FCRL1: variants seen among roughly 807,000 people sequenced by gnomAD.
The protein encoded by FCRL1 is Fc receptor like 1, also known as Fc receptor-like protein 1.
Under a neutral mutation model 49.2 loss-of-function variants are expected in FCRL1, and 34 were observed. The ratio of observed to expected loss-of-function variants is 0.69; its 90% CI spans 0.53 to 0.92. The LOEUF (loss-of-function observed/expected upper bound fraction) is 0.92, where lower values mean the gene tolerates loss of function less well. Ranked by LOEUF, FCRL1 falls within the 40% of genes least tolerant of loss-of-function variation. FCRL1 has a pLI of 0.00. For missense variants in FCRL1, 524 were observed against 524.1 expected (o/e 1.00, Z 0.00); for synonymous variants, 218 against 201.6 (o/e 1.08, Z -0.69).
chr1:157,804,238 A>G, intron 2 of FCRL1, 127 bp from the exon 3 acceptor site: 1 of 1,101,856 alleles, frequency 9.1e-7, no homozygotes, highest in Non-Finnish European at 1.3e-6. Flanking sequence ...GCCACCCTAC[A>G]TGTCTCCACC....
At chr1:157,811,884 CTCAAA>C (rs1654365170) in intron 1 of FCRL1, among the ~76,000 whole-genome samples, 1 of 152,204 alleles carries the variant, frequency 6.6e-6, no homozygotes, top group African/African-American at 2.4e-5. Flanking sequence ...ACCCCAGGGA[CTCAAA>C]ACCTAGGCTC....
At chr1:157,801,827 C>G in intron 5 of FCRL1, 88 bp downstream of exon 5, 1 of 1,489,300 alleles carries the variant, frequency 6.7e-7, no homozygotes, top group South Asian at 1.3e-5. Context: ...GGTAGCAAAC[C>G]CCCGGAAGCA....
chr1:157,797,992 A>T, intron 8 of FCRL1, 53 bp from the exon 9 acceptor site: 1 of 1,578,204 alleles, frequency 6.3e-7, no homozygotes, highest in Non-Finnish European at 8.7e-7. Flanking sequence ...CCTGTCTTTC[A>T]AATTACTCCA....
chr1:157,805,755 C>G lies in FCRL1; in HGVS notation c.52+1347G>C, dbSNP rs1055887110. On this transcript the variant is annotated intron_variant, in intron 2 of 10. Transcript: ENST00000368176. ...ACTAAAAACACAAAAATTAGCCAGG[C>G]GTGGTGGCATGAGTTTGTAGTCCCC... Among the ~76,000 whole-genome samples, 4 of 152,058 alleles carry G rather than the reference C, an allele frequency of 2.6e-5. No homozygotes were observed. The East Asian group carries it at 5.8e-4, about 22-fold the overall frequency.
At position 157,795,431 on chromosome 1, in the gene FCRL1, A is replaced by C. The variant is rs1336767377; in HGVS notation, c.*668T>G. On this transcript the variant is annotated 3_prime_UTR_variant, in exon 11 of 11. Coordinates refer to ENST00000368176, the MANE Select transcript of FCRL1 (RefSeq NM_052938.5). ...TTTCAAAAATTTTGTGAATAAAAGA[A>C]GACACACTGTATTTATAAAGCTTCT... The C allele has an allele frequency of 6.6e-6, 1 of 152,216 alleles. No homozygotes were observed. The highest frequency in any genetic ancestry group is 1.5e-5 in the Non-Finnish European group (1 of 68,038). The allele number at this position is 152,216 out of a possible 1,614,324, so 9.4% of individuals were successfully genotyped here. A position where few individuals can be genotyped will look rare whatever the true frequency, so the allele number is the denominator to read the frequency against.
chr1:157,800,268 C>T (rs575228804), intron 6 of FCRL1, among the ~76,000 whole-genome samples, 183 bp from the exon 7 acceptor site: 2 of 152,194 alleles, frequency 1.3e-5, no homozygotes, highest in Non-Finnish European at 2.9e-5. Context: ...CAGATGGAAA[C>T]TCAGGTCCTG....
At chr1:157,796,411 T>C (rs889275819) in intron 10 of FCRL1, among the ~76,000 whole-genome samples, 2 of 152,254 alleles carry the variant, frequency 1.3e-5, no homozygotes, top group Admixed American at 1.3e-4. Context: ...CCTTCGCTCA[T>C]TCTTATGGGC....
chr1:157,813,932 T>C (rs538031004), intron 1 of FCRL1, among the ~76,000 whole-genome samples: 1 of 152,110 alleles, frequency 6.6e-6, no homozygotes, highest in East Asian at 1.9e-4. Context: ...TAAGATGATA[T>C]ATTCAAAGTG....
rs1651842337 is a variant in FCRL1 at position 157,798,141 on chromosome 1, G to A, written c.1114+20C>T. ...AGCTTGCTGTACCATCGTTGGCCTG[G>A]GCCATTTGGGAAGGCTCACCATTTT... On this transcript the variant is annotated intron_variant, in intron 8 of 10. Coordinates refer to ENST00000368176, the MANE Select transcript of FCRL1 (RefSeq NM_052938.5). 6 of 1,604,866 alleles carry A rather than the reference G, an allele frequency of 3.7e-6. No homozygotes were observed. Among genetic ancestry groups the A allele is most frequent in the Non-Finnish European group, 5.1e-6 (6 of 1,174,282 alleles).
chr1:157,815,526 C>T (rs1402966219), intron 1 of FCRL1, among the ~76,000 whole-genome samples: 1 of 151,658 alleles, frequency 6.6e-6, no homozygotes, highest in African/African-American at 2.4e-5. Flanking sequence ...AATAGGTAAC[C>T]TAACGTTTCA....
intron 10 of FCRL1, among the ~76,000 whole-genome samples, chr1:157,796,514 C>T (rs1651515207): frequency 6.6e-6 from 1 of 152,116 alleles, no homozygotes; most frequent in Non-Finnish European, 1.5e-5. Context: ...TGGACTTCAC[C>T]AAGGATTTGA....
chr1:157,815,994 A>G (rs1002754034), intron 1 of FCRL1, among the ~76,000 whole-genome samples: 5 of 151,950 alleles, frequency 3.3e-5, no homozygotes, highest in Non-Finnish European at 7.4e-5. Flanking sequence ...CTAGGATCTG[A>G]TGGCTTCATT....
At chr1:157,819,967 T>C in intron 1 of FCRL1, 40 bp downstream of exon 1, 2 of 1,613,424 alleles carry the variant, frequency 1.2e-6, no homozygotes, top group South Asian at 1.1e-5. Flanking sequence ...AGCCCAAGCA[T>C]GATTGCATCC....
At chr1:157,797,610 G>T in intron 9 of FCRL1, 1 of 774,966 alleles carries the variant, frequency 1.3e-6, no homozygotes, top group Non-Finnish European at 2.1e-6. Context: ...GTAAGCCATG[G>T]GATTTTTGCT....
rs1030937211 is a variant in FCRL1, at chr1:157,795,987, G to C, written c.*112C>G. ...TGAAGGAATAGTGCCATGGAGAATG[G>C]CATCCAGAAGAGGTATACTGGAAAG... On this transcript the variant is annotated 3_prime_UTR_variant, in exon 11 of 11. Transcript: ENST00000368176. 1 of 881,076 alleles carries C rather than the reference G, an allele frequency of 1.1e-6. No homozygotes were observed. Among genetic ancestry groups the C allele is most frequent in the Non-Finnish European group, 1.9e-6 (1 of 532,046 alleles). The allele number at this position is 881,076 out of a possible 1,614,324, so 54.6% of individuals were successfully genotyped here.
At chr1:157,819,770 G>C (rs1557931927) in intron 1 of FCRL1, among the ~76,000 whole-genome samples, 1 of 152,148 alleles carries the variant, frequency 6.6e-6, no homozygotes. Flanking sequence ...AAGGAAGACA[G>C]ACAGTGAACA....
intron 10 of FCRL1, among the ~76,000 whole-genome samples, chr1:157,796,513 C>T (rs910911740): frequency 6.6e-6 from 1 of 152,174 alleles, no homozygotes; most frequent in Non-Finnish European, 1.5e-5. Context: ...CTGGACTTCA[C>T]CAAGGATTTG....
intron 1 of FCRL1, among the ~76,000 whole-genome samples, chr1:157,814,298 C>T (rs1011734936): frequency 1.3e-5 from 2 of 151,912 alleles, no homozygotes; most frequent in Non-Finnish European, 2.9e-5. Flanking sequence ...AAGAAATACA[C>T]AATACAAAAT....
chr1:157,812,720 T>C (rs1244174395), intron 1 of FCRL1, among the ~76,000 whole-genome samples: 2 of 152,076 alleles, frequency 1.3e-5, no homozygotes, highest in African/African-American at 4.8e-5. Context: ...ACAGATGCCA[T>C]AGTAGTGGCA....
Sources: gnomAD v4.1 joint callset for allele counts (sites outside exome capture counted in the v4.1 genomes callset) on GRCh38, gnomAD v4.1.1 for gene constraint, MANE v1.5 for transcripts, NCBI Gene and HGNC (gene_info 2026-07-23, HGNC 2026-07-21) for gene names.